Variants in MAP3K20 observed in about 807,000 individuals in gnomAD.
MAP3K20 encodes HCCS-4.
Under a neutral mutation model 85.7 loss-of-function variants are expected in MAP3K20, and 40 were observed. The observed-to-expected ratio is 0.47, with a 90% CI of 0.36 to 0.61. The LOEUF is 0.61. Among genes scored for constraint, MAP3K20 ranks in the 20% least tolerant of loss-of-function variants. The pLI, the probability that MAP3K20 is intolerant of heterozygous loss-of-function variation, is 0.00. For synonymous variants in MAP3K20, 325 were observed against 327.7 expected, an observed-to-expected ratio of 0.99 and a Z score of 0.09; for missense variants, 817 against 961.7, an observed-to-expected ratio of 0.85 and a Z score of 1.99.
intron 2 of MAP3K20, among the ~76,000 whole-genome samples, chr2:173,095,279 G>T (rs548976956): frequency 5.3e-5 from 8 of 152,136 alleles, no homozygotes; most frequent in African/African-American, 1.9e-4. Flanking sequence ...AGATGTACTA[G>T]GCTCATCTAG....
intron 11 of MAP3K20, chr2:173,225,687 CTAAT>C (rs1372035560): frequency 3.9e-5 from 38 of 984,918 alleles, no homozygotes; most frequent in Non-Finnish European, 4.5e-5. Flanking sequence ...AGTTTCGTCT[CTAAT>C]TATTTTTCTC....
chr2:173,234,684 AAG>A (rs1684603908), intron 14 of MAP3K20, among the ~76,000 whole-genome samples: 1 of 152,176 alleles, frequency 6.6e-6, no homozygotes, highest in Admixed American at 6.5e-5. Flanking sequence ...AGGAACAGAA[AAG>A]AGGAGTCCCG....
chr2:173,260,203 C>T (rs935497433), intron 17 of MAP3K20, among the ~76,000 whole-genome samples: 8 of 151,994 alleles, frequency 5.3e-5, no homozygotes, highest in African/African-American at 1.9e-4. Flanking sequence ...CCCATCTCTA[C>T]GAAAAATACA....
upstream of MAP3K20, chr2:173,075,815 G>A (rs1686829995): frequency 2.0e-6 from 2 of 985,436 alleles, no homozygotes; most frequent in Admixed American, 6.2e-5. Flanking sequence ...CGCGCCGGGA[G>A]GTAGGTGGTG....
intron 11 of MAP3K20, among the ~76,000 whole-genome samples, chr2:173,217,935 T>C (rs879615083): frequency 6.6e-6 from 1 of 152,246 alleles, no homozygotes; most frequent in Admixed American, 6.5e-5. Flanking sequence ...TGATATATTA[T>C]TCAAGTCTAA....
chr2:173,220,184 CAT>C (rs1684201719), intron 11 of MAP3K20, among the ~76,000 whole-genome samples: 1 of 151,580 alleles, frequency 6.6e-6, no homozygotes, highest in South Asian at 2.1e-4. Context: ...ATGCCAAAAA[CAT>C]AAGCCTTGAT....
rs753739085 is a variant in MAP3K20 at position 173,266,153 on chromosome 2, C to A, written c.1806C>A (p.Phe602Leu). 15 of 1,614,050 alleles carry A rather than the reference C, an allele frequency of 9.3e-6. 1 individual carries two copies. The South Asian group carries it at 1.5e-4, about 17-fold the overall frequency. ...QSNPILGSPF[F>L]SHFDGQDSYA... ...ATCCTATTCTGGGGTCACCGTTCTT[C>A]TCACACTTTGATGGCCAGGATTCCT... The change falls in exon 20 of 20, where the codon TTC (phenylalanine) becomes TTA (leucine). Residue 602 changes from phenylalanine (F) to leucine (L), a missense_variant. Physicochemically the swap from Phe to Leu is conservative, Grantham distance 22. Around this residue, in one of 4 missense-constraint regions of MAP3K20, gnomAD observed 454 missense variants for 476.9 expected, o/e 0.95. Transcript: ENST00000375213.
intron 3 of MAP3K20, among the ~76,000 whole-genome samples, chr2:173,170,511 C>A (rs973990303): frequency 1.3e-5 from 2 of 152,152 alleles, no homozygotes; most frequent in Non-Finnish European, 2.9e-5. Context: ...TTTGTATAAT[C>A]CACTGAATAG....
chr2:173,224,305 C>G, intron 11 of MAP3K20: 1 of 985,306 alleles, frequency 1.0e-6, no homozygotes, highest in Non-Finnish European at 1.2e-6. Context: ...GAATGTAAAC[C>G]TGGAGTCTCA....
chr2:173,175,557 T>C (rs1250430010), intron 3 of MAP3K20, among the ~76,000 whole-genome samples: 1 of 152,202 alleles, frequency 6.6e-6, no homozygotes, highest in Admixed American at 6.5e-5. Flanking sequence ...TTAAACCTTT[T>C]ATTCTTTAAA....
intron 16 of MAP3K20, among the ~76,000 whole-genome samples, chr2:173,256,514 T>TAGACAGAC (rs1247379365): frequency 0.024 from 1,085 of 44,972 alleles, 15 homozygotes; most frequent in Middle Eastern, 0.053. Context: ...GATAGATAGA[T>TAGACAGAC]AGATAGATAG....
At chr2:173,141,444 G>A (rs1301745921) in intron 2 of MAP3K20, among the ~76,000 whole-genome samples, 2 of 152,138 alleles carry the variant, frequency 1.3e-5, no homozygotes. Context: ...AAATTGTACT[G>A]ATGGGGCTTA....
At chr2:173,146,621 G>A (rs1006374672) in intron 2 of MAP3K20, among the ~76,000 whole-genome samples, 3 of 152,110 alleles carry the variant, frequency 2.0e-5, no homozygotes, top group Admixed American at 2.0e-4. Flanking sequence ...CCAGAGATCT[G>A]CCTATTCTGG....
chr2:173,217,376 G>C, intron 11 of MAP3K20, 126 bp downstream of exon 11: 1 of 1,157,182 alleles, frequency 8.6e-7, no homozygotes, highest in Non-Finnish European at 1.1e-6. Flanking sequence ...TCGCGCCCGT[G>C]TATTAAAGGG....
intron 2 of MAP3K20, among the ~76,000 whole-genome samples, chr2:173,132,424 A>G (rs1272232139): frequency 6.6e-6 from 1 of 152,176 alleles, no homozygotes; most frequent in Non-Finnish European, 1.5e-5. Context: ...AGAGGGAAGA[A>G]TCCTCTCCGA....
chr2:173,088,860 A>G (rs762269804), intron 1 of MAP3K20, among the ~76,000 whole-genome samples: 4 of 152,224 alleles, frequency 2.6e-5, no homozygotes, highest in Non-Finnish European at 5.9e-5. Context: ...CTGTTGATTC[A>G]CATATGTTTA....
chr2:173,091,221 C>T (rs1396827845), intron 2 of MAP3K20, 31 bp downstream of exon 2: 2 of 1,597,784 alleles, frequency 1.3e-6, no homozygotes, highest in Non-Finnish European at 1.7e-6. Flanking sequence ...CAGAAACAGT[C>T]ACGATACCAT....
intron 2 of MAP3K20, among the ~76,000 whole-genome samples, chr2:173,103,628 G>A (rs542695123): frequency 4.5e-4 from 69 of 152,180 alleles, no homozygotes; most frequent in Non-Finnish European, 7.6e-4. Flanking sequence ...TTTAGTTTCT[G>A]TTATTTACAG....
intron 2 of MAP3K20, among the ~76,000 whole-genome samples, chr2:173,122,393 A>G (rs114830034): frequency 0.012 from 1,833 of 152,324 alleles, 23 homozygotes; most frequent in Middle Eastern, 0.024. Flanking sequence ...GTGTTGATTC[A>G]GAGCTAGTGT....
Sources: allele counts gnomAD v4.1 joint callset (sites outside exome capture counted in the v4.1 genomes callset), GRCh38; gene constraint gnomAD v4.1.1; regional missense constraint gnomAD v4.1.1; transcripts MANE v1.5; gene names NCBI Gene and HGNC (gene_info 2026-07-23, HGNC 2026-07-21).